Variants in SLC14A2 observed in about 807,000 individuals in gnomAD.
SLC14A2 encodes the protein solute carrier family 14 member 2.
In SLC14A2, 91 loss-of-function variants were observed where a neutral mutation model predicts 104.6. That is an observed-to-expected ratio of 0.87 (90% confidence interval 0.73 to 1.04). The LOEUF is 1.04. Ranked by LOEUF, SLC14A2 falls within the 50% of genes least tolerant of loss-of-function variation. The pLI, the probability that SLC14A2 is intolerant of heterozygous loss-of-function variation, is 0.00. For missense variants in SLC14A2, 1,189 were observed against 1,156.0 expected, an observed-to-expected ratio of 1.03 and a Z score of -0.41; for synonymous variants, 476 against 466.4, an observed-to-expected ratio of 1.02 and a Z score of -0.27.
rs144829931 is a variant in SLC14A2 at position 45,579,809 on chromosome 18, C to T, written c.-34-44822C>T. ...AACTTGTAGAAAACAGAAAAAGGGG[C>T]AGCAAATTTTACTTGGGGGTGTTGG... On this transcript the variant is annotated intron_variant, in intron 2 of 20. Transcript: ENST00000586448. 9.9e-5 allele frequency among the ~76,000 whole-genome samples: 15 copies of T among 152,258 alleles called. No individual in the cohort carries two copies. In the East Asian group the frequency reaches 2.7e-3, roughly 27 times the overall value.
At chr18:45,680,933 A>T (rs1270399865) in intron 19 of SLC14A2, among the ~76,000 whole-genome samples, 2 of 152,168 alleles carry the variant, frequency 1.3e-5, no homozygotes, top group Non-Finnish European at 2.9e-5. Context: ...TGCCCCTTAC[A>T]GACCCAGCTC....
At chr18:45,177,487 G>A in the SLC14A2 span, among the ~76,000 whole-genome samples, 1 of 152,066 alleles carries the variant, frequency 6.6e-6, no homozygotes. Flanking sequence ...TTTATACATC[G>A]TGTTCCAGCC....
At chr18:45,210,578 A>G (rs2083953337), upstream of SLC14A2, among the ~76,000 whole-genome samples, 1 of 152,190 alleles carries the variant, frequency 6.6e-6, no homozygotes, top group Non-Finnish European at 1.5e-5. Context: ...TGCTGTTTTG[A>G]AAGAAAGTAA....
the SLC14A2 span, among the ~76,000 whole-genome samples, chr18:45,192,428 T>G: frequency 6.6e-6 from 1 of 152,184 alleles, no homozygotes; most frequent in African/African-American, 2.4e-5. Flanking sequence ...TTGCCTTGAG[T>G]AATAAGGATT....
chr18:45,620,464 T>G (rs1049304254), intron 1 of SLC14A2, among the ~76,000 whole-genome samples: 1 of 152,230 alleles, frequency 6.6e-6, no homozygotes, highest in Admixed American at 6.5e-5. Flanking sequence ...AAATATTGTC[T>G]GCATACAGAA....
chr18:45,354,138 T>A (rs79832131), intron 1 of SLC14A2, among the ~76,000 whole-genome samples: 1 of 152,324 alleles, frequency 6.6e-6, no homozygotes, highest in East Asian at 1.9e-4. Flanking sequence ...ATAACATCAA[T>A]ACTACGTAAA....
intron 1 of SLC14A2, among the ~76,000 whole-genome samples, chr18:45,354,372 G>T (rs1170640837): frequency 2.0e-5 from 3 of 152,190 alleles, no homozygotes; most frequent in African/African-American, 4.8e-5. Flanking sequence ...GGATGCACTG[G>T]CTTCTGGGTG....
At chr18:45,549,150 A>C (rs567538411) in intron 2 of SLC14A2, among the ~76,000 whole-genome samples, 1 of 152,372 alleles carries the variant, frequency 6.6e-6, no homozygotes, top group Admixed American at 6.5e-5. Flanking sequence ...AGGACTGGCA[A>C]TGTGACCACA....
At chr18:45,471,670 T>C (rs2087250988) in intron 1 of SLC14A2, among the ~76,000 whole-genome samples, 1 of 152,144 alleles carries the variant, frequency 6.6e-6, no homozygotes, top group Non-Finnish European at 1.5e-5. Context: ...TTTTGTGTCT[T>C]GAGCAGTTTC....
intron 1 of SLC14A2, among the ~76,000 whole-genome samples, chr18:45,289,624 C>T (rs2084849473): frequency 6.6e-6 from 1 of 152,118 alleles, no homozygotes; most frequent in East Asian, 1.9e-4. Flanking sequence ...AATATATGTC[C>T]CCAAATGAAA....
rs1278147679 is a variant in SLC14A2 at position 45,620,716 on chromosome 18, C to T, written c.-34-3915C>T. On this transcript the variant is annotated intron_variant, in intron 1 of 19. Transcript: ENST00000255226. ...TTAGGAAATAATTTCTGAGTATACC[C>T]ATTCTCAACTCCTACCTGTATACTT... Among the ~76,000 whole-genome samples the T allele has an allele frequency of 2.0e-5, 3 of 152,020 alleles. No individual in the cohort carries two copies. In the East Asian group the frequency reaches 5.8e-4, roughly 29 times the overall value.
chr18:45,174,503 T>C, the SLC14A2 span, among the ~76,000 whole-genome samples: 10,847 of 152,180 alleles, frequency 0.071, 550 homozygotes, highest in Non-Finnish European at 0.11. Flanking sequence ...AATGAAACCC[T>C]GCTAAAGTGG....
chr18:45,531,785 TCCTGAATGGTAATG>T (rs937932027), intron 2 of SLC14A2, among the ~76,000 whole-genome samples: 2 of 152,156 alleles, frequency 1.3e-5, no homozygotes, highest in African/African-American at 4.8e-5. Flanking sequence ...CATGCCTATG[TCCTGAATGGTAATG>T]CCTAGGTTTT....
At position 45,669,336 on chromosome 18, in the gene SLC14A2, C is replaced by G. The variant is rs2046087973; in HGVS notation, c.2067C>G (p.Ile689Met). 10 of 1,613,850 alleles carry G rather than the reference C, an allele frequency of 6.2e-6. No homozygotes were observed. In the East Asian group the frequency reaches 2.2e-4, roughly 36 times the overall value. The change falls in exon 16 of 20, where the codon ATC (isoleucine) becomes ATG (methionine). Residue 689 changes from isoleucine (I) to methionine (M), a missense_variant. Transcript: ENST00000255226. ...CPILSSALGT[I>M]FSKWDLPVFT... ...TCCTCTCCAGTGCCCTGGGTACCAT[C>G]TTCAGCAAGTGGGACCTCCCAGTCT...
intron 1 of SLC14A2, among the ~76,000 whole-genome samples, chr18:45,317,032 G>A (rs2085136249): frequency 1.3e-5 from 2 of 152,270 alleles, no homozygotes; most frequent in African/African-American, 2.4e-5. Context: ...GAAAAACTAA[G>A]GCATTAGAAC....
intron 10 of SLC14A2, among the ~76,000 whole-genome samples, chr18:45,645,362 G>A (rs2144567884): frequency 6.6e-6 from 1 of 151,948 alleles, no homozygotes; most frequent in Non-Finnish European, 1.5e-5. Context: ...ACCTAGTAAT[G>A]GGATTGCTGG....
chr18:45,534,167 G>A (rs574864731), intron 2 of SLC14A2, among the ~76,000 whole-genome samples: 2 of 152,216 alleles, frequency 1.3e-5, no homozygotes, highest in South Asian at 4.2e-4. Flanking sequence ...ACGTGGGAGA[G>A]ACCTAAAGGG....
chr18:45,266,023 C>A (rs1177881839), intron 1 of SLC14A2, among the ~76,000 whole-genome samples: 1 of 151,998 alleles, frequency 6.6e-6, no homozygotes, highest in Non-Finnish European at 1.5e-5. Context: ...ACAACAAAAA[C>A]AACAACAAAA....
At chr18:45,399,022 A>C (rs975778448) in intron 1 of SLC14A2, among the ~76,000 whole-genome samples, 1 of 152,200 alleles carries the variant, frequency 6.6e-6, no homozygotes, top group African/African-American at 2.4e-5. Context: ...CCCAAAAAGA[A>C]ATAGTATAAT....
Sources: allele counts gnomAD v4.1 joint callset (sites outside exome capture counted in the v4.1 genomes callset), GRCh38; gene constraint gnomAD v4.1.1; transcripts MANE v1.5; gene names NCBI Gene and HGNC (gene_info 2026-07-23, HGNC 2026-07-21).